The following ANKRD6 variants were observed in gnomAD, a reference collection of about 807,000 sequenced individuals.
ANKRD6 encodes ankyrin repeat domain 6.
In ANKRD6, 56 loss-of-function variants were observed where a neutral mutation model predicts 82.3. The observed-to-expected ratio is 0.68, with a 90% CI of 0.55 to 0.85. The LOEUF (loss-of-function observed/expected upper bound fraction) is 0.85. Among genes scored for constraint, ANKRD6 ranks in the 40% least tolerant of loss-of-function variants. ANKRD6 has a pLI of 0.00. For synonymous variants in ANKRD6, 347 were observed against 352.1 expected (o/e 0.99, Z 0.16); for missense variants, 852 against 907.6 (o/e 0.94, Z 0.79).
intron 1 of ANKRD6, among the ~76,000 whole-genome samples, chr6:89,478,667 GAATT>G (rs1776376388): frequency 6.7e-6 from 1 of 149,374 alleles, no homozygotes; most frequent in Non-Finnish European, 1.5e-5. Flanking sequence ...TGAGACAGGA[GAATT>G]GCTTGAACCT....
At chr6:89,535,657 A>G (rs1168243600) in intron 1 of ANKRD6, among the ~76,000 whole-genome samples, 1 of 152,222 alleles carries the variant, frequency 6.6e-6, no homozygotes, top group Non-Finnish European at 1.5e-5. Context: ...CTTATGCAGG[A>G]CAAACTTAAG....
chr6:89,573,615 C>T (rs546047042), intron 2 of ANKRD6, among the ~76,000 whole-genome samples: 63 of 152,294 alleles, frequency 4.1e-4, no homozygotes, highest in African/African-American at 1.5e-3. Context: ...TGATTTCTTC[C>T]TAAGAAAGGG....
intron 1 of ANKRD6, among the ~76,000 whole-genome samples, chr6:89,479,193 C>T (rs1776470739): frequency 6.6e-6 from 1 of 152,062 alleles, no homozygotes; most frequent in African/African-American, 2.4e-5. Flanking sequence ...CTAGGTTAGG[C>T]AAGGGTCAGG....
At chr6:89,567,232 A>T (rs1242582696) in intron 2 of ANKRD6, 136 bp downstream of exon 2, 9 of 1,252,090 alleles carry the variant, frequency 7.2e-6, no homozygotes, top group Non-Finnish European at 9.8e-6. Flanking sequence ...GTTTGGGGAG[A>T]AGGAGGATTA....
intron 10 of ANKRD6, among the ~76,000 whole-genome samples, chr6:89,623,066 T>C (rs1231651168): frequency 2.0e-5 from 3 of 150,000 alleles, no homozygotes; most frequent in Non-Finnish European, 3.0e-5. Flanking sequence ...AAAGAATGAG[T>C]GAGTTATGTT....
In ANKRD6 at chr6:89,630,456, G is replaced by A; in HGVS notation, c.1636G>A (p.Ala546Thr). 1 of 1,613,216 alleles carries A rather than the reference G, an allele frequency of 6.2e-7. No individual in the cohort carries two copies. Among genetic ancestry groups the A allele is most frequent in the Non-Finnish European group, 8.5e-7 (1 of 1,179,488 alleles). Residue 546 changes from alanine (A) to threonine (T), a missense_variant, in exon 16 of 16, where the codon GCA (alanine) becomes ACA (threonine). Physicochemically the swap from Ala to Thr is moderately conservative, Grantham distance 58. Coordinates refer to ENST00000339746, the MANE Select transcript of ANKRD6 (RefSeq NM_001242809.2). ...AGGTGTGGACCAATTAGTGGTGACTGCAGGTCCAGCAGCAGCTTCCGACAG... is the reference window on the plus strand; with the variant it reads ...AGGTGTGGACCAATTAGTGGTGACTACAGGTCCAGCAGCAGCTTCCGACAG... ...STGVDQLVVTAGPAAASDSSP... is the reference protein window; with the variant it reads ...STGVDQLVVTTGPAAASDSSP...
At chr6:89,548,768 G>C (rs1336350536) in intron 1 of ANKRD6, among the ~76,000 whole-genome samples, 1 of 152,314 alleles carries the variant, frequency 6.6e-6, no homozygotes, top group East Asian at 1.9e-4. Flanking sequence ...ATACAGTGGC[G>C]ACCAGTGTTA....
intron 4 of ANKRD6, among the ~76,000 whole-genome samples, chr6:89,603,421 G>A (rs1383868337): frequency 6.6e-6 from 1 of 150,790 alleles, no homozygotes; most frequent in African/African-American, 2.4e-5. Context: ...GAACTCCTGG[G>A]CTCAAGTGCT....
At chr6:89,521,668 G>A (rs533406906) in intron 1 of ANKRD6, among the ~76,000 whole-genome samples, 15 of 152,262 alleles carry the variant, frequency 9.9e-5, no homozygotes, top group African/African-American at 3.6e-4. Flanking sequence ...TTAGATTAGG[G>A]CAGAGAATAG....
intron 2 of ANKRD6, among the ~76,000 whole-genome samples, chr6:89,579,360 C>T (rs1222808234): frequency 6.6e-6 from 1 of 152,178 alleles, no homozygotes; most frequent in African/African-American, 2.4e-5. Flanking sequence ...GACAATGCAA[C>T]AATGCTAAGA....
intron 2 of ANKRD6, among the ~76,000 whole-genome samples, chr6:89,577,665 A>G (rs977194985): frequency 7.2e-5 from 11 of 152,156 alleles, no homozygotes; most frequent in African/African-American, 2.7e-4. Context: ...AGAAAATAAA[A>G]AATTAGCTGG....
At chr6:89,518,236 C>T (rs1411246767) in intron 1 of ANKRD6, among the ~76,000 whole-genome samples, 1 of 151,996 alleles carries the variant, frequency 6.6e-6, no homozygotes, top group Admixed American at 6.6e-5. Context: ...AACCCCGCCT[C>T]TACTAAAAAT....
intron 1 of ANKRD6, among the ~76,000 whole-genome samples, chr6:89,489,323 A>G (rs529523666): frequency 1.1e-4 from 16 of 152,310 alleles, no homozygotes; most frequent in Non-Finnish European, 1.9e-4. Flanking sequence ...CCCCTGAATC[A>G]TGTCTTTGTC....
chr6:89,623,365 C>A, intron 10 of ANKRD6, 45 bp from the exon 11 acceptor site: 1 of 1,571,944 alleles, frequency 6.4e-7, no homozygotes, highest in Non-Finnish European at 8.6e-7. Flanking sequence ...TGAAAAAGGC[C>A]AAGGAAGCAA....
At chr6:89,514,349 G>A (rs1780944247) in intron 1 of ANKRD6, among the ~76,000 whole-genome samples, 1 of 152,006 alleles carries the variant, frequency 6.6e-6, no homozygotes. Context: ...CTGCACTCCA[G>A]TTTGGGTTAC....
intron 1 of ANKRD6, among the ~76,000 whole-genome samples, chr6:89,498,457 A>G (rs926727329): frequency 1.3e-5 from 2 of 152,260 alleles, no homozygotes; most frequent in Admixed American, 1.3e-4. Flanking sequence ...TAGGTCTGTA[A>G]TATATAATTA....
At chr6:89,518,116 C>T (rs1282230687) in intron 1 of ANKRD6, among the ~76,000 whole-genome samples, 2 of 152,088 alleles carry the variant, frequency 1.3e-5, no homozygotes, top group Non-Finnish European at 2.9e-5. Context: ...AAATAAGTAT[C>T]TTATGGCCGG....
intron 1 of ANKRD6, among the ~76,000 whole-genome samples, chr6:89,464,971 C>T (rs1257943594): frequency 1.3e-5 from 2 of 152,236 alleles, no homozygotes; most frequent in East Asian, 3.9e-4. Context: ...CAAACAAAGA[C>T]ACAACCTGAA....
chr6:89,477,347 C>A (rs1413823729), intron 1 of ANKRD6, among the ~76,000 whole-genome samples: 1 of 151,998 alleles, frequency 6.6e-6, no homozygotes, highest in African/African-American at 2.4e-5. Flanking sequence ...AGGCAAACAT[C>A]ATGAATAATT....
Sources: gnomAD v4.1 joint callset for allele counts (sites outside exome capture counted in the v4.1 genomes callset) on GRCh38, gnomAD v4.1.1 for gene constraint, MANE v1.5 for transcripts, NCBI Gene and HGNC (gene_info 2026-07-23, HGNC 2026-07-21) for gene names.